The following WASL variants were observed in gnomAD, a reference collection of about 807,000 sequenced individuals.
WASL encodes the protein WASP like actin nucleation promoting factor, also known as actin nucleation-promoting factor WASL.
In WASL, 20 loss-of-function variants were observed where a neutral mutation model predicts 55.5. The observed-to-expected ratio is 0.36, with a 90% confidence interval of 0.25 to 0.52. The LOEUF is 0.52. WASL is among the 20% of genes least tolerant of loss of function. WASL has a pLI of 0.92. For synonymous variants in WASL, 249 were observed against 217.6 expected (o/e 1.14, Z -1.27); for missense variants, 504 against 622.5 (o/e 0.81, Z 2.03).
intron 1 of WASL, among the ~76,000 whole-genome samples, chr7:123,737,527 G>A (rs1804255939): frequency 3.4e-5 from 5 of 147,824 alleles, no homozygotes; most frequent in Admixed American, 2.1e-4. Context: ...CCTGGGAGGT[G>A]GAGCTTGCAG....
At chr7:123,738,170 G>GTTAA (rs3035632) in intron 1 of WASL, among the ~76,000 whole-genome samples, 69,013 of 151,384 alleles carry the variant, frequency 0.46, 15,930 homozygotes, top group South Asian at 0.66. Flanking sequence ...ATTAATAGAG[G>GTTAA]TTAATTACAC....
At chr7:123,688,132 A>G (rs2116764218) in intron 10 of WASL, among the ~76,000 whole-genome samples, 1 of 152,286 alleles carries the variant, frequency 6.6e-6, no homozygotes, top group Non-Finnish European at 1.5e-5. Flanking sequence ...CAAAACTCAT[A>G]TTCTTGTTCT....
intron 1 of WASL, among the ~76,000 whole-genome samples, chr7:123,744,593 C>T (rs1178051771): frequency 1.3e-5 from 2 of 152,034 alleles, no homozygotes; most frequent in African/African-American, 4.8e-5. Flanking sequence ...AAAAACAAAC[C>T]AGGTGAGTAT....
chr7:123,696,533 G>A (rs1803495139), intron 6 of WASL, 46 bp downstream of exon 6: 28 of 1,483,110 alleles, frequency 1.9e-5, no homozygotes, highest in Non-Finnish European at 2.5e-5. Flanking sequence ...GAACAGCAAT[G>A]AATAAATCAA....
At chr7:123,746,342 T>C (rs1584877981) in intron 1 of WASL, among the ~76,000 whole-genome samples, 1 of 152,238 alleles carries the variant, frequency 6.6e-6, no homozygotes, top group Non-Finnish European at 1.5e-5. Context: ...TTCTGTTTCA[T>C]TTCTTGAATT....
At chr7:123,716,321 T>C (rs1803840843) in intron 1 of WASL, among the ~76,000 whole-genome samples, 2 of 152,072 alleles carry the variant, frequency 1.3e-5, no homozygotes, top group Admixed American at 1.3e-4. Context: ...GTTCAAGCAA[T>C]TCTCCCACCT....
chr7:123,702,011 T>A (rs1803598564), intron 5 of WASL, among the ~76,000 whole-genome samples: 1 of 151,404 alleles, frequency 6.6e-6, no homozygotes. Context: ...TGATTAAAAC[T>A]AAAGATTTAA....
chr7:123,701,495 T>C (rs956168998), intron 5 of WASL, among the ~76,000 whole-genome samples: 1 of 152,204 alleles, frequency 6.6e-6, no homozygotes, highest in Non-Finnish European at 1.5e-5. Context: ...GGAAAGCATA[T>C]ATGCTAAAAT....
At chr7:123,718,338 T>C (rs1204168586) in intron 1 of WASL, among the ~76,000 whole-genome samples, 1 of 152,180 alleles carries the variant, frequency 6.6e-6, no homozygotes, top group Non-Finnish European at 1.5e-5. Context: ...CAATAGAATT[T>C]TGTATATGAA....
intron 1 of WASL, among the ~76,000 whole-genome samples, chr7:123,709,949 T>C (rs1161399958): frequency 6.6e-6 from 1 of 152,148 alleles, no homozygotes; most frequent in African/African-American, 2.4e-5. Context: ...AGTCCCTAAA[T>C]AGAACCCTTT....
chr7:123,692,802 C>T lies in WASL; in HGVS notation c.892G>A (p.Gly298Ser), dbSNP rs774940336. The T allele has an allele frequency of 2.8e-6, 4 of 1,453,790 alleles. No individual in the cohort carries two copies. The African/African-American group carries it at 5.7e-5, about 21-fold the overall frequency. The allele number at this position is 1,453,790 out of a possible 1,614,324, so 90.1% of individuals were successfully genotyped here. A position where few individuals can be genotyped will look rare whatever the true frequency, so the allele number is the denominator to read the frequency against. ...CCCCTAGCAGGAGGAGGAGGAGGAC[C>T]TGAGTTGTGTGGAGGGGGAGGAGGA... ...PPPPPPPHNS[G>S]PPPPPARGRG... The change falls in exon 9 of 11, where the codon GGT becomes AGT. Residue 298 changes from glycine (G) to serine (S), a missense_variant. By Grantham distance (56) the Gly-to-Ser change is moderately conservative. This residue lies in a region of WASL where 201 missense variants were observed against 206.2 expected (regional missense o/e 0.97). Coordinates refer to ENST00000223023, the MANE Select transcript of WASL (RefSeq NM_003941.4).
chr7:123,732,070 G>C (rs1473329235), intron 1 of WASL, among the ~76,000 whole-genome samples: 3 of 152,174 alleles, frequency 2.0e-5, no homozygotes, highest in African/African-American at 7.2e-5. Flanking sequence ...GCTCACACCT[G>C]TAATCCCAGC....
chr7:123,737,146 G>A (rs1255761317), intron 1 of WASL, among the ~76,000 whole-genome samples: 1 of 151,972 alleles, frequency 6.6e-6, no homozygotes, highest in African/African-American at 2.4e-5. Flanking sequence ...AATAGCTGAT[G>A]AACTTTTAAA....
intron 5 of WASL, among the ~76,000 whole-genome samples, chr7:123,703,783 T>A (rs1372756457): frequency 1.3e-5 from 2 of 152,278 alleles, no homozygotes; most frequent in East Asian, 1.9e-4. Context: ...CCTTGAATAA[T>A]CATTCTAGGT....
chr7:123,693,628 T>A (rs148761580), intron 8 of WASL, among the ~76,000 whole-genome samples: 1 of 152,224 alleles, frequency 6.6e-6, no homozygotes. Context: ...AGTCATGATA[T>A]TAGCATTCTT....
chr7:123,711,570 T>G (rs1803758565), intron 1 of WASL, among the ~76,000 whole-genome samples: 1 of 152,174 alleles, frequency 6.6e-6, no homozygotes, highest in Admixed American at 6.6e-5. Context: ...GTAAAGCCTT[T>G]TCTAATTCAG....
At chr7:123,720,020 C>T (rs955717343) in intron 1 of WASL, among the ~76,000 whole-genome samples, 1 of 152,136 alleles carries the variant, frequency 6.6e-6, no homozygotes, top group Non-Finnish European at 1.5e-5. Context: ...ACTGTCAACT[C>T]CTTGAAGATA....
At chr7:123,730,664 TAC>T (rs1400487699) in intron 1 of WASL, among the ~76,000 whole-genome samples, 1 of 152,146 alleles carries the variant, frequency 6.6e-6, no homozygotes, top group Non-Finnish European at 1.5e-5. Context: ...CAAAAACAGT[TAC>T]AGTTGATATT....
intron 1 of WASL, among the ~76,000 whole-genome samples, chr7:123,719,713 TC>T (rs1256252230): frequency 6.6e-6 from 1 of 152,210 alleles, no homozygotes; most frequent in Non-Finnish European, 1.5e-5. Flanking sequence ...AGCCTTTGTA[TC>T]CTGGCAGTCA....
Sources: allele counts gnomAD v4.1 joint callset (sites outside exome capture counted in the v4.1 genomes callset), GRCh38; gene constraint gnomAD v4.1.1; regional missense constraint gnomAD v4.1.1; transcripts MANE v1.5; gene names NCBI Gene and HGNC (gene_info 2026-07-23, HGNC 2026-07-21).